STAU2: variants seen among roughly 807,000 people sequenced by gnomAD.
STAU2 encodes the protein double-stranded RNA-binding protein Staufen homolog 2.
Under a neutral mutation model 65.9 loss-of-function variants are expected in STAU2, and 20 were observed. The ratio of observed to expected loss-of-function variants is 0.30; its 90% CI spans 0.21 to 0.44. The LOEUF (loss-of-function observed/expected upper bound fraction) is 0.44. STAU2 is among the 20% of genes least tolerant of loss of function. STAU2 has a pLI of 1.00. For synonymous variants in STAU2, 232 were observed against 233.9 expected (o/e 0.99, Z 0.07); for missense variants, 558 against 683.9 (o/e 0.82, Z 2.05).
intron 6 of STAU2, among the ~76,000 whole-genome samples, chr8:73,617,821 T>C (rs1392487975): frequency 1.3e-5 from 2 of 152,196 alleles, no homozygotes; most frequent in Non-Finnish European, 2.9e-5. Context: ...GGCGACAACA[T>C]GTAGATTACC....
At chr8:73,705,876 A>G (rs1820471151) in intron 4 of STAU2, among the ~76,000 whole-genome samples, 1 of 152,082 alleles carries the variant, frequency 6.6e-6, no homozygotes, top group Non-Finnish European at 1.5e-5. Flanking sequence ...GAAGACATTA[A>G]CCTCTGTCCT....
chr8:73,578,350 C>G (rs779124336), intron 12 of STAU2, among the ~76,000 whole-genome samples: 2 of 152,286 alleles, frequency 1.3e-5, no homozygotes, highest in Non-Finnish European at 1.5e-5. Context: ...ATGACTAAAA[C>G]AGAGGCAAGC....
intron 13 of STAU2, among the ~76,000 whole-genome samples, chr8:73,479,148 T>C (rs755520975): frequency 6.6e-6 from 1 of 152,106 alleles, no homozygotes; most frequent in South Asian, 2.1e-4. Context: ...CATCATTTCA[T>C]TGGCAAAATG....
intron 5 of STAU2, among the ~76,000 whole-genome samples, chr8:73,679,417 G>A (rs781581561): frequency 3.9e-5 from 6 of 152,274 alleles, no homozygotes; most frequent in Middle Eastern, 3.4e-3. Flanking sequence ...GCAGCTTGCC[G>A]CTGCAAACTC....
chr8:73,429,222 G>A (rs1313216770), intron 13 of STAU2, among the ~76,000 whole-genome samples: 1 of 152,030 alleles, frequency 6.6e-6, no homozygotes, highest in Non-Finnish European at 1.5e-5. Context: ...ACCATTCGAT[G>A]AGCATCACTC....
intron 9 of STAU2, 135 bp downstream of exon 9, chr8:73,613,609 C>A: frequency 1.8e-6 from 1 of 570,958 alleles, no homozygotes; most frequent in Non-Finnish European, 2.9e-6. Context: ...AATTTATAGT[C>A]ACATGTCCTG....
At chr8:73,524,521 A>G (rs1245528122) in intron 13 of STAU2, among the ~76,000 whole-genome samples, 1 of 152,182 alleles carries the variant, frequency 6.6e-6, no homozygotes, top group Non-Finnish European at 1.5e-5. Context: ...TGAATGCACC[A>G]GGTAATGTAT....
At chr8:73,727,219 G>A (rs1805705990) in intron 3 of STAU2, among the ~76,000 whole-genome samples, 1 of 152,142 alleles carries the variant, frequency 6.6e-6, no homozygotes, top group Non-Finnish European at 1.5e-5. Flanking sequence ...GACAGAGGGA[G>A]ACTACATCTC....
chr8:73,453,612 G>T (rs946453370), intron 13 of STAU2, among the ~76,000 whole-genome samples: 1 of 152,192 alleles, frequency 6.6e-6, no homozygotes, highest in Non-Finnish European at 1.5e-5. Flanking sequence ...GTGCTTAGGT[G>T]CTTTGAGGCC....
At chr8:73,700,575 C>G (rs1334358403) in intron 4 of STAU2, among the ~76,000 whole-genome samples, 2 of 151,822 alleles carry the variant, frequency 1.3e-5, no homozygotes, top group East Asian at 1.9e-4. Context: ...TTATAATAGC[C>G]TTAAATAAAA....
chr8:73,715,335 A>T (rs997097147), intron 3 of STAU2, among the ~76,000 whole-genome samples: 2 of 151,936 alleles, frequency 1.3e-5, no homozygotes, highest in Admixed American at 6.6e-5. Flanking sequence ...ACATGCCTGT[A>T]GTCCGAGCTA....
chr8:73,697,702 G>A (rs1170363135), intron 4 of STAU2, among the ~76,000 whole-genome samples: 1 of 152,222 alleles, frequency 6.6e-6, no homozygotes, highest in Non-Finnish European at 1.5e-5. Context: ...AAGTTAAAGT[G>A]TAGAGTTTTA....
intron 13 of STAU2, among the ~76,000 whole-genome samples, chr8:73,509,930 T>C (rs184247084): frequency 3.0e-4 from 46 of 152,358 alleles, no homozygotes; most frequent in Non-Finnish European, 5.1e-4. Flanking sequence ...CTGTTAGAAA[T>C]GCTTATTTTT....
At chr8:73,577,284 C>T (rs1455492070) in intron 12 of STAU2, among the ~76,000 whole-genome samples, 1 of 151,708 alleles carries the variant, frequency 6.6e-6, no homozygotes, top group Non-Finnish European at 1.5e-5. Context: ...AAAAATTAGC[C>T]GGGCGTGGTG....
intron 6 of STAU2, among the ~76,000 whole-genome samples, chr8:73,671,405 A>C (rs569858570): frequency 4.6e-5 from 7 of 151,978 alleles, no homozygotes; most frequent in Non-Finnish European, 8.8e-5. Context: ...AACAAAAAAA[A>C]ACAAAAAAAA....
chr8:73,646,712 TA>T (rs1815398797), intron 6 of STAU2, among the ~76,000 whole-genome samples: 1 of 151,954 alleles, frequency 6.6e-6, no homozygotes, highest in East Asian at 1.9e-4. Context: ...AAAAAACTGA[TA>T]AACTGGACTT....
intron 6 of STAU2, chr8:73,668,976 G>T (rs1817450394): frequency 1.4e-6 from 1 of 689,748 alleles, no homozygotes; most frequent in Middle Eastern, 2.3e-4. Context: ...CCCTCTAAAT[G>T]ATACCTGTTT....
chr8:73,423,217 G>A (rs1005496342), intron 13 of STAU2, among the ~76,000 whole-genome samples: 11 of 152,342 alleles, frequency 7.2e-5, no homozygotes, highest in Admixed American at 6.5e-5. Flanking sequence ...ATGGGATCCT[G>A]AGAGGATGAG....
chr8:73,455,168 TGC>T (rs1818996127), intron 13 of STAU2, among the ~76,000 whole-genome samples: 1 of 152,038 alleles, frequency 6.6e-6, no homozygotes, highest in Non-Finnish European at 1.5e-5. Context: ...CATACAAAGG[TGC>T]AGGTCACAAA....
Sources: gnomAD v4.1 joint callset for allele counts (sites outside exome capture counted in the v4.1 genomes callset) on GRCh38, gnomAD v4.1.1 for gene constraint, MANE v1.5 for transcripts, NCBI Gene and HGNC (gene_info 2026-07-23, HGNC 2026-07-21) for gene names.